The following SLC26A5 variants were observed in gnomAD, a reference collection of about 807,000 sequenced individuals.
SLC26A5 encodes the protein prestin.
A neutral mutation model predicts 81.0 loss-of-function variants in SLC26A5; 51 were observed. That is an observed-to-expected ratio of 0.63 (90% CI 0.50 to 0.80). The LOEUF (loss-of-function observed/expected upper bound fraction) is 0.80. Among genes scored for constraint, SLC26A5 ranks in the 30% least tolerant of loss-of-function variants. The probability of loss-of-function intolerance (pLI) is 0.00; values close to 1 mark genes in which losing one functional copy is unlikely to be tolerated. For missense variants in SLC26A5, 771 were observed against 905.8 expected (o/e 0.85, Z 1.91); for synonymous variants, 325 against 332.8 (o/e 0.98, Z 0.25).
chr7:103,390,610 A>T, intron 11 of SLC26A5, 104 bp from the exon 12 acceptor site: 2 of 899,212 alleles, frequency 2.2e-6, no homozygotes, highest in Non-Finnish European at 3.8e-6. Flanking sequence ...GAAGATCAAG[A>T]AAATATGGAT....
At chr7:103,392,793 G>A in intron 10 of SLC26A5, 126 bp downstream of exon 10, 3 of 1,150,442 alleles carry the variant, frequency 2.6e-6, no homozygotes, top group Non-Finnish European at 2.5e-6. Context: ...TAGCCAGGAT[G>A]GTCTCAATCT....
intron 2 of SLC26A5, among the ~76,000 whole-genome samples, chr7:103,432,651 C>A (rs1236438172): frequency 6.6e-6 from 1 of 151,920 alleles, no homozygotes; most frequent in Non-Finnish European, 1.5e-5. Context: ...TGATCTTGTT[C>A]ATCTATTTCC....
At chr7:103,390,372 A>T in intron 12 of SLC26A5, 57 bp downstream of exon 12, 1 of 1,471,148 alleles carries the variant, frequency 6.8e-7, no homozygotes, top group Non-Finnish European at 9.5e-7. Context: ...TAAACAAATA[A>T]AATAGCAAAA....
At chr7:103,364,655 G>A (rs1820595758) in intron 19 of SLC26A5, among the ~76,000 whole-genome samples, 1 of 152,084 alleles carries the variant, frequency 6.6e-6, no homozygotes, top group South Asian at 2.1e-4. Context: ...TGATCCATCT[G>A]CTTTGGCCTC....
intron 19 of SLC26A5, among the ~76,000 whole-genome samples, chr7:103,354,239 T>G (rs540886849): frequency 6.6e-6 from 1 of 152,202 alleles, no homozygotes; most frequent in Non-Finnish European, 1.5e-5. Flanking sequence ...TAAAATGTGA[T>G]GCTATATTGA....
intron 5 of SLC26A5, among the ~76,000 whole-genome samples, chr7:103,412,608 G>C (rs1168862014): frequency 1.4e-5 from 2 of 145,112 alleles, no homozygotes; most frequent in African/African-American, 5.1e-5. Flanking sequence ...GGAGTGCAGT[G>C]GTGTGATCTC....
chr7:103,421,129 A>T (rs1024875531), intron 3 of SLC26A5, among the ~76,000 whole-genome samples: 1 of 152,210 alleles, frequency 6.6e-6, no homozygotes, highest in Non-Finnish European at 1.5e-5. Flanking sequence ...TTATGTTAAC[A>T]TTTACACAGA....
intron 14 of SLC26A5, among the ~76,000 whole-genome samples, chr7:103,384,413 C>T (rs1413677015): frequency 6.6e-6 from 1 of 151,994 alleles, no homozygotes; most frequent in African/African-American, 2.4e-5. Context: ...GAGTTCAAGA[C>T]CAGCCTGGCC....
intron 1 of SLC26A5, chr7:103,445,683 C>T (rs1381596356): frequency 6.6e-6 from 1 of 152,330 alleles, no homozygotes; most frequent in Non-Finnish European, 1.5e-5. Flanking sequence ...GGGCCCGTCT[C>T]CGGAAAGAGG....
chr7:103,362,415 A>G (rs1457314504), intron 19 of SLC26A5: 4 of 1,349,082 alleles, frequency 3.0e-6, no homozygotes, highest in South Asian at 1.6e-5. Context: ...GTTAATGTCT[A>G]TAGAATACAT....
downstream of SLC26A5, among the ~76,000 whole-genome samples, chr7:103,371,974 C>G (rs572580677): frequency 2.8e-4 from 43 of 152,292 alleles, no homozygotes; most frequent in Admixed American, 1.2e-3. Flanking sequence ...GGATTACAGG[C>G]GTGAGCCACC....
chr7:103,380,141 C>T (rs1375633889), intron 15 of SLC26A5, among the ~76,000 whole-genome samples: 1 of 152,146 alleles, frequency 6.6e-6, no homozygotes, highest in Non-Finnish European at 1.5e-5. Context: ...CTACATTTTA[C>T]ATGGTTAAAA....
At position 103,367,889 on chromosome 7, in the gene SLC26A5, T is replaced by C. The variant is rs1820801193; in HGVS notation, c.2041+8919A>G. 5 of 1,611,736 alleles carry C rather than the reference T, an allele frequency of 3.1e-6. No homozygotes were observed. The highest frequency in any genetic ancestry group is 4.2e-6 in the Non-Finnish European group (5 of 1,179,136). On this transcript the variant is annotated intron_variant, in intron 19 of 19. Coordinates refer to the SLC26A5 transcript ENST00000339444. This position sits in a 1 kb window ranked among gnomAD's most constrained non-coding sequence, Gnocchi z 6.1. ...ATTAAGCCCGTTTATTTTCTTTTTG[T>C]TTGAAAGGTGCTGAGATTAGAAGCG...
chr7:103,413,129 C>A lies in SLC26A5; in HGVS notation c.293-17G>T, dbSNP rs369679338. On this transcript the variant is annotated splice_polypyrimidine_tract_variant and intron_variant, in intron 4 of 19. Transcript: ENST00000306312. ...AGGCTAAGCCTGTGGGATTAAAAACCAAACAGAAATGGGGGATCATTAGAA... is the reference window on the plus strand; with the variant it reads ...AGGCTAAGCCTGTGGGATTAAAAACAAAACAGAAATGGGGGATCATTAGAA... 18 of 1,533,532 alleles carry A rather than the reference C, an allele frequency of 1.2e-5. No homozygotes were observed. The African/African-American group carries it at 2.5e-4, about 21-fold the overall frequency. The allele number at this position is 1,533,532 out of a possible 1,614,324, so 95.0% of individuals were successfully genotyped here.
At chr7:103,398,197 T>A (rs1823299968) in intron 8 of SLC26A5, among the ~76,000 whole-genome samples, 183 bp from the exon 9 acceptor site, 1 of 152,224 alleles carries the variant, frequency 6.6e-6, no homozygotes, top group Non-Finnish European at 1.5e-5. Flanking sequence ...CCCCACATAA[T>A]TAAAATGAAC....
chr7:103,358,288 A>G (rs948595574), intron 19 of SLC26A5, among the ~76,000 whole-genome samples: 4 of 152,040 alleles, frequency 2.6e-5, no homozygotes, highest in Middle Eastern at 3.4e-3. Context: ...CTCTTGTTCT[A>G]TTTTGAAATT....
chr7:103,397,262 C>G (rs1181633289), intron 9 of SLC26A5, among the ~76,000 whole-genome samples: 1 of 151,752 alleles, frequency 6.6e-6, no homozygotes, highest in Non-Finnish European at 1.5e-5. Context: ...TAAAAATTAG[C>G]CGGGTGTGGT....
At chr7:103,431,272 C>T (rs184898185) in intron 2 of SLC26A5, among the ~76,000 whole-genome samples, 78 of 152,118 alleles carry the variant, frequency 5.1e-4, no homozygotes, top group African/African-American at 1.9e-3. Context: ...TTTTCCATCC[C>T]ATTCTCCCCA....
chr7:103,362,613 A>C (rs1374560776), intron 19 of SLC26A5: 2 of 1,483,754 alleles, frequency 1.3e-6, no homozygotes, highest in South Asian at 2.3e-5. Context: ...GGTTTTGGGG[A>C]TAAAGGACTA....
Sources: allele counts gnomAD v4.1 joint callset (sites outside exome capture counted in the v4.1 genomes callset), GRCh38; gene constraint gnomAD v4.1.1; non-coding constraint Gnocchi (gnomAD v3.1); transcripts MANE v1.5; gene names NCBI Gene and HGNC (gene_info 2026-07-23, HGNC 2026-07-21).